Variants in ELAPOR2 observed in about 807,000 individuals in gnomAD.
ELAPOR2 encodes the protein endosome/lysosome-associated apoptosis and autophagy regulator family member 2.
ELAPOR2 carries 89 observed loss-of-function variants against 120.7 expected under a neutral mutation model. The ratio of observed to expected loss-of-function variants is 0.74; its 90% CI spans 0.62 to 0.88. ELAPOR2 has a LOEUF of 0.88. ELAPOR2 is among the 40% of genes least tolerant of loss of function. ELAPOR2 has a pLI of 0.00. For synonymous variants in ELAPOR2, 444 were observed against 444.9 expected (o/e 1.00, Z 0.03); for missense variants, 1,134 against 1,251.6 (o/e 0.91, Z 1.42).
At position 86,880,545 on chromosome 7, in the gene ELAPOR2, T is replaced by C. The variant is rs1348507945; in HGVS notation, c.3031-15A>G. On this transcript the variant is annotated splice_polypyrimidine_tract_variant and intron_variant, in intron 21 of 21. Transcript: ENST00000450689. ...TCTTCTTTTTCCTAAGAAAAAATAT[T>C]AAAGACAAAATCAACTCACTGAAAT... is the stretch of plus-strand genomic sequence containing the variant. 3 of 1,524,696 alleles carry C rather than the reference T, an allele frequency of 2.0e-6. No individual in the cohort carries two copies. The highest frequency in any genetic ancestry group is 2.7e-6 in the Non-Finnish European group (3 of 1,101,214). The allele number at this position is 1,524,696 out of a possible 1,614,324, so 94.4% of individuals were successfully genotyped here. A position where few individuals can be genotyped will look rare whatever the true frequency, so the allele number is the denominator to read the frequency against.
At chr7:87,056,904 G>A (rs1165496387) in intron 1 of ELAPOR2, among the ~76,000 whole-genome samples, 2 of 152,156 alleles carry the variant, frequency 1.3e-5, no homozygotes, top group Admixed American at 6.5e-5. Flanking sequence ...ACTACTGGGG[G>A]GAAATGAGGT....
chr7:86,891,663 G>A (rs1788164674), intron 21 of ELAPOR2, 61 bp downstream of exon 21: 3 of 1,391,024 alleles, frequency 2.2e-6, no homozygotes, highest in Admixed American at 2.2e-5. Flanking sequence ...GCTATTATTA[G>A]GTTAATATGC....
At chr7:86,966,043 A>G (rs1791890065) in intron 1 of ELAPOR2, 1 of 758,504 alleles carries the variant, frequency 1.3e-6, no homozygotes, top group Middle Eastern at 6.6e-4. Flanking sequence ...GATTTCCCAA[A>G]TCATCAAGTC....
chr7:87,035,593 T>C (rs1371256756), intron 1 of ELAPOR2, among the ~76,000 whole-genome samples: 2 of 152,312 alleles, frequency 1.3e-5, no homozygotes, highest in Middle Eastern at 3.4e-3. Flanking sequence ...CTCAAGCCAA[T>C]GTCACCCTTT....
chr7:86,993,248 AAAG>A (rs1793011554), intron 1 of ELAPOR2, among the ~76,000 whole-genome samples: 1 of 144,030 alleles, frequency 6.9e-6, no homozygotes, highest in Admixed American at 7.0e-5. Flanking sequence ...AAAAAAAAAA[AAAG>A]AAAAAGAAAA....
intron 1 of ELAPOR2, among the ~76,000 whole-genome samples, chr7:86,976,930 G>A (rs1355747116): frequency 6.6e-6 from 1 of 152,164 alleles, no homozygotes; most frequent in Non-Finnish European, 1.5e-5. Context: ...GTACTCTAGG[G>A]CCTGGGGTCC....
chr7:87,027,987 G>A (rs1474123959), intron 1 of ELAPOR2, among the ~76,000 whole-genome samples: 2 of 151,968 alleles, frequency 1.3e-5, no homozygotes, highest in African/African-American at 4.8e-5. Context: ...CATTTTAAGA[G>A]ACTCTTAAAC....
chr7:87,039,965 A>T (rs200530700), intron 1 of ELAPOR2, among the ~76,000 whole-genome samples: 2 of 151,928 alleles, frequency 1.3e-5, no homozygotes, highest in South Asian at 2.1e-4. Context: ...CGGGAAGCGC[A>T]AGGGGTCAGG....
At position 86,925,632 on chromosome 7, in the gene ELAPOR2, G is replaced by A. The variant is rs138544248; in HGVS notation, c.1295C>T (p.Thr432Met). ...ATATTCAAAGCCAAGTGCAGGCTCC[G>A]TTCCTGCTGGACATGGTCTACATTC... ...TKECRPCPAGTEPALGFEYKW... is the reference protein window; with the variant it reads ...TKECRPCPAGMEPALGFEYKW... Residue 432 changes from threonine (T) to methionine (M), a missense_variant, in exon 10 of 22, where the codon ACG becomes ATG. Physicochemically the swap from Thr to Met is moderately conservative, Grantham distance 81. Around this residue, in one of 3 missense-constraint regions of ELAPOR2, gnomAD observed 831 missense variants for 867.6 expected, o/e 0.96. Transcript: ENST00000450689. 2.2e-5 allele frequency: 36 copies of A among 1,611,576 alleles called. No individual in the cohort carries two copies. The highest frequency in any genetic ancestry group is 1.5e-4 in the African/African-American group (11 of 74,732).
chr7:86,971,069 A>C (rs1441823088), intron 1 of ELAPOR2, among the ~76,000 whole-genome samples: 1 of 152,188 alleles, frequency 6.6e-6, no homozygotes. Flanking sequence ...AGAAAGATCC[A>C]GCTTAGACTA....
chr7:86,941,092 C>T (rs372167816), intron 5 of ELAPOR2, among the ~76,000 whole-genome samples: 1 of 152,054 alleles, frequency 6.6e-6, no homozygotes, highest in African/African-American at 2.4e-5. Context: ...GCTACAACCA[C>T]AAAGACAAGG....
intron 21 of ELAPOR2, among the ~76,000 whole-genome samples, chr7:86,887,700 G>A (rs1799757670): frequency 6.6e-6 from 1 of 152,066 alleles, no homozygotes; most frequent in Admixed American, 6.6e-5. Context: ...GTACTATTGA[G>A]CATTGTAAGA....
Position 86,880,790 on chromosome 7 carries a change from G to C in ELAPOR2, c.3031-260C>G, listed in dbSNP as rs1170473356. Among the ~76,000 whole-genome samples, 5 of 151,372 alleles carry C rather than the reference G, an allele frequency of 3.3e-5. No homozygotes were observed. In the East Asian group the frequency reaches 9.7e-4, roughly 29 times the overall value. The stretch of plus-strand genomic sequence containing the variant: ...CCCATGATTGCAATAGATACCAAAA[G>C]ACATAGCTGTGATCCCTGCAAAGAA... On this transcript the variant is annotated intron_variant, in intron 21 of 21. Coordinates refer to ENST00000450689, the MANE Select transcript of ELAPOR2 (RefSeq NM_001142749.3).
chr7:86,898,835 GT>G (rs1788095738), intron 18 of ELAPOR2, among the ~76,000 whole-genome samples: 1 of 152,156 alleles, frequency 6.6e-6, no homozygotes, highest in Non-Finnish European at 1.5e-5. Context: ...TGTAACTTCT[GT>G]TTAAGGTAAT....
chr7:86,894,101 G>T (rs565524872), intron 19 of ELAPOR2, among the ~76,000 whole-genome samples: 2 of 152,192 alleles, frequency 1.3e-5, no homozygotes, highest in South Asian at 4.1e-4. Flanking sequence ...CAATTTTGCA[G>T]TTAGTCATGA....
rs903020827 is a variant in ELAPOR2, at chr7:86,877,330, A to G, written c.*3141T>C. On this transcript the variant is annotated 3_prime_UTR_variant, in exon 22 of 22. Coordinates refer to ENST00000450689, the MANE Select transcript of ELAPOR2 (RefSeq NM_001142749.3). ...AATGAGTCGGGTGTTGAGATTTCTA[A>G]AAGTTTACTCCTCTAAGGACATTTT... 1 of 152,180 alleles carries G rather than the reference A, an allele frequency of 6.6e-6. No homozygotes were observed. Among genetic ancestry groups the G allele is most frequent in the Non-Finnish European group, 1.5e-5 (1 of 68,034 alleles). The allele number at this position is 152,180 out of a possible 1,614,324, so 9.4% of individuals were successfully genotyped here.
chr7:86,980,657 G>A (rs1206593718), intron 1 of ELAPOR2, among the ~76,000 whole-genome samples: 2 of 152,002 alleles, frequency 1.3e-5, no homozygotes, highest in Non-Finnish European at 2.9e-5. Context: ...AGACTGACAA[G>A]CATGCCTCCT....
chr7:87,033,890 C>T (rs1419055160), intron 1 of ELAPOR2, among the ~76,000 whole-genome samples: 1 of 151,998 alleles, frequency 6.6e-6, no homozygotes, highest in East Asian at 1.9e-4. Flanking sequence ...TATATATCCA[C>T]ATACACAATA....
chr7:86,881,777 C>T lies in ELAPOR2; in HGVS notation c.3031-1247G>A, dbSNP rs560416652. ...GCTGGAATGGGATAGGGAGACTATG[C>T]TAATAAAGAGAATAAAAATGAAGAG... On this transcript the variant is annotated intron_variant, in intron 21 of 21. Transcript: ENST00000450689. Among the ~76,000 whole-genome samples, 11 of 152,042 alleles carry T rather than the reference C, an allele frequency of 7.2e-5. No homozygotes were observed. In the South Asian group the frequency reaches 2.3e-3, roughly 32 times the overall value.
Sources: allele counts gnomAD v4.1 joint callset (sites outside exome capture counted in the v4.1 genomes callset), GRCh38; gene constraint gnomAD v4.1.1; regional missense constraint gnomAD v4.1.1; transcripts MANE v1.5; gene names NCBI Gene and HGNC (gene_info 2026-07-23, HGNC 2026-07-21).